Variants in DLG2 observed in about 807,000 individuals in gnomAD.
The protein encoded by DLG2 is discs large MAGUK scaffold protein 2, also known as disks large homolog 2.
In DLG2, 45 loss-of-function variants were observed where a neutral mutation model predicts 132.5. That is an observed-to-expected ratio of 0.34 (90% CI 0.27 to 0.44). The LOEUF is 0.44. Among genes scored for constraint, DLG2 ranks in the 20% least tolerant of loss-of-function variants. The pLI is 1.00. For synonymous variants in DLG2, 424 were observed against 419.6 expected (o/e 1.01, Z -0.13); for missense variants, 1,045 against 1,196.9 (o/e 0.87, Z 1.87).
Position 84,450,087 on chromosome 11 carries a change from T to A in DLG2, c.519+84483A>T, listed in dbSNP as rs190810311. On this transcript the variant is annotated intron_variant, in intron 7 of 27. Transcript: ENST00000376104. ...TAATATCAAATTCCTTTCACAAATT[T>A]AGGAAACTAAATTTCAGAGGAATTG... Among the ~76,000 whole-genome samples, 142 of 151,986 alleles carry A rather than the reference T, an allele frequency of 9.3e-4. 1 individual carries two copies. Among genetic ancestry groups the A allele is most frequent in the African/African-American group, 3.0e-3 (125 of 41,534 alleles).
chr11:83,544,850 C>G (rs1036537646), intron 19 of DLG2, among the ~76,000 whole-genome samples: 3 of 152,194 alleles, frequency 2.0e-5, no homozygotes, highest in Admixed American at 6.6e-5. Context: ...ACTCCAAAAT[C>G]TGCTTCCTTA....
intron 11 of DLG2, among the ~76,000 whole-genome samples, chr11:83,982,083 G>A (rs1259841099): frequency 6.6e-6 from 1 of 152,064 alleles, no homozygotes; most frequent in Non-Finnish European, 1.5e-5. Context: ...TGAACCTACT[G>A]CATTTCTAGT....
intron 8 of DLG2, among the ~76,000 whole-genome samples, chr11:84,172,988 A>C (rs1012384406): frequency 3.3e-5 from 5 of 152,158 alleles, no homozygotes; most frequent in African/African-American, 1.2e-4. Context: ...TTTTTTTGTA[A>C]TTAGCGGCTT....
chr11:83,962,101 G>A (rs1436903491), intron 14 of DLG2, among the ~76,000 whole-genome samples: 1 of 151,986 alleles, frequency 6.6e-6, no homozygotes, highest in African/African-American at 2.4e-5. Flanking sequence ...AGTTAGACAG[G>A]CAGGGTATAA....
intron 3 of DLG2, among the ~76,000 whole-genome samples, chr11:85,537,294 G>A (rs780140321): frequency 9.2e-5 from 14 of 152,308 alleles, no homozygotes; most frequent in South Asian, 2.1e-4. Flanking sequence ...AAAAGCAGGC[G>A]ACCAGAGCCA....
intron 15 of DLG2, among the ~76,000 whole-genome samples, chr11:83,927,595 G>C (rs2079214327): frequency 6.6e-6 from 1 of 152,164 alleles, no homozygotes. Flanking sequence ...AGTGAAATGA[G>C]GTATCCAAGA....
chr11:85,530,452 T>G (rs968851027), intron 3 of DLG2, among the ~76,000 whole-genome samples: 4 of 151,870 alleles, frequency 2.6e-5, no homozygotes, highest in Non-Finnish European at 5.9e-5. Context: ...TTCTGATTAG[T>G]TGCAATTACA....
At chr11:84,831,832 T>G (rs544375360) in intron 6 of DLG2, among the ~76,000 whole-genome samples, 2 of 151,752 alleles carry the variant, frequency 1.3e-5, no homozygotes, top group African/African-American at 4.8e-5. Flanking sequence ...TATTTAGAAG[T>G]GCAGTTTCGT....
intron 6 of DLG2, among the ~76,000 whole-genome samples, chr11:84,625,093 C>T (rs1013844214): frequency 3.3e-5 from 5 of 151,388 alleles, no homozygotes; most frequent in Non-Finnish European, 1.5e-5. Context: ...ATCTCCTGAC[C>T]TCGTGATCCG....
Position 83,610,610 on chromosome 11 carries a change from G to A in DLG2, c.1940+22601C>T, listed in dbSNP as rs142997803. Among the ~76,000 whole-genome samples the A allele has an allele frequency of 2.0e-5, 3 of 152,190 alleles. No individual in the cohort carries two copies. In the East Asian group the frequency reaches 5.8e-4, roughly 29 times the overall value. On this transcript the variant is annotated intron_variant, in intron 19 of 27. Transcript: ENST00000376104. Reference sequence around the variant, plus strand: ...AATATTTATTAAGCACATTCAATCTGCCTAGAAGTGTGTCAAGCAATTTAA... The same window carrying A: ...AATATTTATTAAGCACATTCAATCTACCTAGAAGTGTGTCAAGCAATTTAA...
chr11:83,721,835 A>G (rs1334917870), intron 18 of DLG2, among the ~76,000 whole-genome samples: 2 of 152,206 alleles, frequency 1.3e-5, no homozygotes, highest in East Asian at 1.9e-4. Flanking sequence ...TGGCTGGGAT[A>G]TAAAGGATGA....
At chr11:83,534,416 C>T (rs1274082341) in intron 20 of DLG2, among the ~76,000 whole-genome samples, 1 of 152,184 alleles carries the variant, frequency 6.6e-6, no homozygotes, top group Non-Finnish European at 1.5e-5. Context: ...CCCGAACCTA[C>T]AGAAACTTAA....
At chr11:84,283,293 C>T (rs1010548103) in intron 7 of DLG2, among the ~76,000 whole-genome samples, 3 of 152,174 alleles carry the variant, frequency 2.0e-5, no homozygotes, top group African/African-American at 7.2e-5. Flanking sequence ...TAACTGACAT[C>T]ACCACTAACT....
chr11:85,619,078 T>G lies in DLG2; in HGVS notation c.-93+7509A>C, dbSNP rs1462461271. 4.6e-5 allele frequency among the ~76,000 whole-genome samples: 7 copies of G among 152,260 alleles called. No individual in the cohort carries two copies. In the East Asian group the frequency reaches 1.3e-3, roughly 29 times the overall value. On this transcript the variant is annotated intron_variant, in intron 2 of 27. Coordinates refer to ENST00000376104, the MANE Select transcript of DLG2 (RefSeq NM_001142699.3). ...AGTAGTTAAACACAAAAAGTATTCT[T>G]CTATTTCTCATTCTGGAATTCATTC...
chr11:85,599,936 C>T (rs982043212), intron 2 of DLG2, among the ~76,000 whole-genome samples: 7 of 152,174 alleles, frequency 4.6e-5, no homozygotes, highest in Admixed American at 2.0e-4. Flanking sequence ...GCCCTCCTTC[C>T]CTTCCAATCT....
intron 6 of DLG2, among the ~76,000 whole-genome samples, chr11:84,931,336 T>C (rs1487857431): frequency 6.6e-6 from 1 of 152,112 alleles, no homozygotes; most frequent in Non-Finnish European, 1.5e-5. Flanking sequence ...TATATGAAAT[T>C]GAATGTCTTT....
At chr11:84,085,593 A>ATAG (rs1250732830) in intron 10 of DLG2, among the ~76,000 whole-genome samples, 2 of 152,220 alleles carry the variant, frequency 1.3e-5, no homozygotes, top group African/African-American at 4.8e-5. Flanking sequence ...AAGATCCTGT[A>ATAG]TAGGACTCAT....
At chr11:85,511,632 C>T (rs914878421) in intron 3 of DLG2, among the ~76,000 whole-genome samples, 2 of 151,952 alleles carry the variant, frequency 1.3e-5, no homozygotes, top group Non-Finnish European at 2.9e-5. Flanking sequence ...GGAAATTTAT[C>T]ACTGAGGCTT....
chr11:83,800,281 C>T (rs915038437), intron 17 of DLG2, among the ~76,000 whole-genome samples: 3 of 152,068 alleles, frequency 2.0e-5, no homozygotes, highest in Non-Finnish European at 4.4e-5. Context: ...GAAAGAGAGC[C>T]TCATACTAAA....
Sources: allele counts gnomAD v4.1 joint callset (sites outside exome capture counted in the v4.1 genomes callset), GRCh38; gene constraint gnomAD v4.1.1; transcripts MANE v1.5; gene names NCBI Gene and HGNC (gene_info 2026-07-23, HGNC 2026-07-21).